Variants in SND1 observed in about 807,000 individuals in gnomAD.
SND1 encodes the protein staphylococcal nuclease domain-containing protein 1.
SND1 carries 38 observed loss-of-function variants against 121.7 expected under a neutral mutation model. The observed-to-expected ratio is 0.31, with a 90% CI of 0.24 to 0.41. The LOEUF (loss-of-function observed/expected upper bound fraction) is 0.41. Among genes scored for constraint, SND1 ranks in the 10% least tolerant of loss-of-function variants. The pLI is 1.00. For synonymous variants in SND1, 401 were observed against 447.4 expected, an observed-to-expected ratio of 0.90 and a Z score of 1.31; for missense variants, 868 against 1,184.6, an observed-to-expected ratio of 0.73 and a Z score of 3.92.
chr7:127,661,981 TG>T (rs144230413), intron 1 of SND1, among the ~76,000 whole-genome samples: 33,217 of 151,870 alleles, frequency 0.22, 4,173 homozygotes, highest in African/African-American at 0.35. Context: ...CCGGGCATGG[TG>T]GTGCGTGCCT....
chr7:127,763,796 A>C lies in SND1; in HGVS notation c.1152+42396A>C, dbSNP rs115471285. ...TATGTTTCAGAAGCACTAGTATTCT[A>C]GAAAAGCGTAGGGCCAGGCAGACAT... On this transcript the variant is annotated intron_variant, in intron 10 of 23. Transcript: ENST00000354725. Among the ~76,000 whole-genome samples the C allele has an allele frequency of 3.0e-3, 462 of 152,224 alleles. 4 individuals carry two copies. The highest frequency in any genetic ancestry group is 9.8e-3 in the African/African-American group (409 of 41,542).
At chr7:127,931,158 G>A (rs1800949844) in intron 15 of SND1, among the ~76,000 whole-genome samples, 1 of 152,190 alleles carries the variant, frequency 6.6e-6, no homozygotes, top group Non-Finnish European at 1.5e-5. Flanking sequence ...GTGCATGCCT[G>A]TACTCCCAGC....
At position 128,074,593 on chromosome 7, in the gene SND1, A is replaced by C. The variant is rs796052170; in HGVS notation, c.1871A>C (p.Glu624Ala). The change falls in exon 17 of 24, where the codon GAG (glutamate) becomes GCG (alanine). Residue 624 changes from glutamate to alanine, a missense_variant. Coordinates refer to ENST00000354725, the MANE Select transcript of SND1 (RefSeq NM_014390.4). Reference protein sequence around the residue: ...DGANLSVLLVEHALSKVHFTA... With the variant: ...DGANLSVLLVAHALSKVHFTA... ...GCCAACCTGTCCGTCCTGCTGGTGG[A>C]GCACGCGCTCTCCAAGGTCCACTTC... 6.2e-7 allele frequency: 1 copy of C among 1,613,806 alleles called. No individual in the cohort carries two copies. The highest frequency in any genetic ancestry group is 2.2e-5 in the East Asian group (1 of 44,872).
intron 11 of SND1, among the ~76,000 whole-genome samples, chr7:127,835,958 A>G (rs1413486307): frequency 2.0e-5 from 3 of 152,034 alleles, no homozygotes; most frequent in Non-Finnish European, 4.4e-5. Context: ...AATCTTTGCC[A>G]TTTTCTAATG....
rs752829692 is a variant in SND1 at position 127,686,674 on chromosome 7, G to A, written c.140G>A (p.Arg47Gln). The A allele has an allele frequency of 9.3e-6, 15 of 1,613,982 alleles. No homozygotes were observed. Among genetic ancestry groups the A allele is most frequent in the Non-Finnish European group, 1.2e-5 (14 of 1,180,018 alleles). The change falls in exon 2 of 24, where the codon CGG (arginine) becomes CAG (glutamine). Residue 47 changes from arginine to glutamine, a missense_variant. Transcript: ENST00000354725. The part of the protein sequence containing the change: ...GQPRGGPPPE[R>Q]QINLSNIRAG... Reference sequence around the variant, plus strand: ...CCTCGTGGTGGGCCTCCTCCTGAGCGGCAGATCAACCTCAGCAACATTCGT... The same window carrying A: ...CCTCGTGGTGGGCCTCCTCCTGAGCAGCAGATCAACCTCAGCAACATTCGT...
chr7:127,778,537 A>G (rs964060330), intron 10 of SND1, among the ~76,000 whole-genome samples: 1 of 152,164 alleles, frequency 6.6e-6, no homozygotes, highest in Non-Finnish European at 1.5e-5. Flanking sequence ...ATCTTATGGT[A>G]ATGTCTGAAT....
chr7:127,876,826 G>A (rs1799699706), intron 12 of SND1, among the ~76,000 whole-genome samples: 1 of 152,038 alleles, frequency 6.6e-6, no homozygotes, highest in African/African-American at 2.4e-5. Context: ...TGTCACTTTG[G>A]GGACATTACC....
chr7:127,981,035 G>A (rs1164811753), intron 15 of SND1, among the ~76,000 whole-genome samples: 2 of 152,162 alleles, frequency 1.3e-5, no homozygotes, highest in East Asian at 1.9e-4. Flanking sequence ...AGAAATAAAA[G>A]TTGAGGTTCT....
intron 3 of SND1, among the ~76,000 whole-genome samples, chr7:127,695,467 T>C (rs552958690): frequency 4.4e-4 from 67 of 152,310 alleles, no homozygotes; most frequent in African/African-American, 1.6e-3. Context: ...TTTCCTACCA[T>C]GTGCCCTTAC....
chr7:128,066,881 C>G (rs149426714), intron 16 of SND1, among the ~76,000 whole-genome samples: 1 of 152,288 alleles, frequency 6.6e-6, no homozygotes, highest in East Asian at 1.9e-4. Flanking sequence ...GAACACTACT[C>G]ACATTCTTGA....
chr7:127,704,789 T>C (rs1587608261), intron 7 of SND1, 50 bp from the exon 8 acceptor site: 1 of 1,430,464 alleles, frequency 7.0e-7, no homozygotes, highest in South Asian at 1.2e-5. Context: ...ATGGATTCTT[T>C]TACAACAGAG....
intron 12 of SND1, among the ~76,000 whole-genome samples, chr7:127,884,062 G>T (rs938348387): frequency 2.6e-5 from 4 of 152,116 alleles, no homozygotes; most frequent in Admixed American, 2.6e-4. Flanking sequence ...ATATTAGAAT[G>T]AATTCATGGA....
intron 12 of SND1, among the ~76,000 whole-genome samples, chr7:127,857,416 G>C (rs1276524253): frequency 6.8e-6 from 1 of 147,152 alleles, no homozygotes; most frequent in Non-Finnish European, 1.5e-5. Context: ...TGTTGGCCAG[G>C]ATGGTCTCCA....
intron 1 of SND1, among the ~76,000 whole-genome samples, chr7:127,655,866 G>A (rs753332761): frequency 2.6e-5 from 4 of 152,008 alleles, no homozygotes; most frequent in East Asian, 3.9e-4. Flanking sequence ...TCAAGCATTC[G>A]CAACAGCAGA....
chr7:127,848,536 G>T (rs1394715985), intron 12 of SND1, among the ~76,000 whole-genome samples: 1 of 152,202 alleles, frequency 6.6e-6, no homozygotes, highest in Non-Finnish European at 1.5e-5. Context: ...AGTGCACTCT[G>T]TTCAGTCTTG....
chr7:128,070,962 G>A (rs904120325), intron 16 of SND1, among the ~76,000 whole-genome samples: 2 of 152,212 alleles, frequency 1.3e-5, no homozygotes, highest in African/African-American at 2.4e-5. Context: ...GGTAGAACAA[G>A]ACAACACTCT....
In SND1 at chr7:128,089,993, C is replaced by T. The variant is rs535361620; in HGVS notation, c.2622+301C>T. Among the ~76,000 whole-genome samples, 104 of 152,260 alleles carry T rather than the reference C, an allele frequency of 6.8e-4. 1 individual carries two copies. Among genetic ancestry groups the T allele is most frequent in the African/African-American group, 2.4e-3 (99 of 41,552 alleles). ...TTGCCAGGGGCTATGTGGAGAGGGT[C>T]AAGGCCTGTCCCTCCCGCTCTCCCA... On this transcript the variant is annotated intron_variant, in intron 22 of 23. Coordinates refer to ENST00000354725, the MANE Select transcript of SND1 (RefSeq NM_014390.4).
intron 11 of SND1, among the ~76,000 whole-genome samples, chr7:127,831,688 G>T (rs960477562): frequency 2.6e-5 from 4 of 152,186 alleles, no homozygotes; most frequent in African/African-American, 9.7e-5. Context: ...TGAAACAGAT[G>T]CTCAAAGGTG....
chr7:127,872,482 A>G (rs1212846588), intron 12 of SND1, among the ~76,000 whole-genome samples: 1 of 152,144 alleles, frequency 6.6e-6, no homozygotes, highest in African/African-American at 2.4e-5. Flanking sequence ...GTTTATTCCC[A>G]GCATTTCTGT....
Sources: gnomAD v4.1 joint callset for allele counts (sites outside exome capture counted in the v4.1 genomes callset) on GRCh38, gnomAD v4.1.1 for gene constraint, MANE v1.5 for transcripts, NCBI Gene and HGNC (gene_info 2026-07-23, HGNC 2026-07-21) for gene names.